TRHDE: variants seen among roughly 807,000 people sequenced by gnomAD.
TRHDE encodes thyrotropin releasing hormone degrading enzyme, also known as thyrotropin-releasing hormone-degrading ectoenzyme.
In TRHDE, 72 loss-of-function variants were observed where a neutral mutation model predicts 125.7. That is an observed-to-expected ratio of 0.57 (90% CI 0.47 to 0.70). The LOEUF is 0.70. Ranked by LOEUF, TRHDE falls within the 30% of genes least tolerant of loss-of-function variation. TRHDE has a pLI of 0.00. For missense variants in TRHDE, 1,110 were observed against 1,327.1 expected, an observed-to-expected ratio of 0.84 and a Z score of 2.54; for synonymous variants, 509 against 509.1, an observed-to-expected ratio of 1.00 and a Z score of 0.00.
At chr12:72,266,702 T>G (rs376091444) in intron 2 of TRHDE, among the ~76,000 whole-genome samples, 29 of 152,062 alleles carry the variant, frequency 1.9e-4, no homozygotes, top group African/African-American at 7.0e-4. Flanking sequence ...ATTATGCAAT[T>G]GGATAGTTTA....
Position 72,665,375 on chromosome 12 carries a change from T to C in TRHDE, c.*2180T>C, listed in dbSNP as rs1875077138. The C allele has an allele frequency of 6.6e-6, 1 of 152,432 alleles. No individual in the cohort carries two copies. The highest frequency in any genetic ancestry group is 2.1e-4 in the South Asian group (1 of 4,832). The allele number at this position is 152,432 out of a possible 1,614,324, so 9.4% of individuals were successfully genotyped here. On this transcript the variant is annotated 3_prime_UTR_variant, in exon 19 of 19. Coordinates refer to ENST00000261180, the MANE Select transcript of TRHDE (RefSeq NM_013381.3). ...CCTTGAACAACTGGTTTATCTACAA[T>C]CTCAAATCCTAAGTGTATAATTATG...
chr12:72,381,848 A>C (rs991340694), intron 3 of TRHDE, among the ~76,000 whole-genome samples: 2 of 152,224 alleles, frequency 1.3e-5, no homozygotes, highest in Non-Finnish European at 2.9e-5. Flanking sequence ...TGAGACTGAC[A>C]TGTCTATTTA....
At chr12:72,490,641 A>G (rs73146938) in intron 5 of TRHDE, among the ~76,000 whole-genome samples, 3,331 of 151,796 alleles carry the variant, frequency 0.022, 54 homozygotes, top group Non-Finnish European at 0.034. Context: ...TGTTCAAAAG[A>G]ATAAAATCTT....
At chr12:72,482,172 G>A (rs1451288181) in intron 5 of TRHDE, among the ~76,000 whole-genome samples, 1 of 151,758 alleles carries the variant, frequency 6.6e-6, no homozygotes, top group African/African-American at 2.4e-5. Flanking sequence ...ATATGGAATT[G>A]GTATCTATCA....
At chr12:72,515,940 T>C (rs1253372297) in intron 6 of TRHDE, among the ~76,000 whole-genome samples, 1 of 132,534 alleles carries the variant, frequency 7.5e-6, no homozygotes, top group Non-Finnish European at 1.5e-5. Flanking sequence ...TTGTCAAAGA[T>C]CAGATAGTTG....
At chr12:72,635,380 T>G (rs1421734398) in intron 15 of TRHDE, among the ~76,000 whole-genome samples, 1 of 152,070 alleles carries the variant, frequency 6.6e-6, no homozygotes, top group Non-Finnish European at 1.5e-5. Flanking sequence ...TTGTTTGAGT[T>G]CATTGTAGAT....
chr12:72,195,814 A>G (rs887169944), intron 2 of TRHDE, among the ~76,000 whole-genome samples: 1 of 152,132 alleles, frequency 6.6e-6, no homozygotes, highest in Non-Finnish European at 1.5e-5. Context: ...GATGTCTAGA[A>G]TGGTGTTTCC....
At chr12:72,598,404 C>T (rs536073777) in intron 12 of TRHDE, among the ~76,000 whole-genome samples, 21 of 152,286 alleles carry the variant, frequency 1.4e-4, no homozygotes, top group African/African-American at 5.1e-4. Context: ...TATTATTGAT[C>T]AGCAAACTGG....
At chr12:72,456,128 T>TACACACACAC (rs58045175) in intron 3 of TRHDE, among the ~76,000 whole-genome samples, 1 of 134,796 alleles carries the variant, frequency 7.4e-6, no homozygotes, top group African/African-American at 2.7e-5. Flanking sequence ...AATATGTAAT[T>TACACACACAC]ACACACACAC....
intron 15 of TRHDE, among the ~76,000 whole-genome samples, chr12:72,649,380 A>G (rs1874413277): frequency 6.6e-6 from 1 of 152,122 alleles, no homozygotes; most frequent in South Asian, 2.1e-4. Context: ...TTTGTTTTAT[A>G]TACCGTACAC....
intron 15 of TRHDE, among the ~76,000 whole-genome samples, chr12:72,636,019 G>C (rs1873731146): frequency 6.6e-6 from 1 of 150,598 alleles, no homozygotes; most frequent in South Asian, 2.1e-4. Context: ...CTTTAAAGTA[G>C]TTTTTTCCAA....
intron 2 of TRHDE, among the ~76,000 whole-genome samples, chr12:72,346,314 G>C (rs1260490048): frequency 6.6e-6 from 1 of 152,030 alleles, no homozygotes; most frequent in African/African-American, 2.4e-5. Context: ...AGAGAGGGTA[G>C]AGACCTTTAC....
chr12:72,138,038 A>T (rs1426543566), intron 2 of TRHDE, among the ~76,000 whole-genome samples: 1 of 152,206 alleles, frequency 6.6e-6, no homozygotes, highest in Non-Finnish European at 1.5e-5. Context: ...CCCCAGGCTA[A>T]TGAAATCAGA....
At chr12:72,644,494 C>G (rs1874198015) in intron 15 of TRHDE, among the ~76,000 whole-genome samples, 1 of 152,098 alleles carries the variant, frequency 6.6e-6, no homozygotes, top group Non-Finnish European at 1.5e-5. Flanking sequence ...AGAAAAATCC[C>G]AATTCTTGAC....
chr12:72,335,662 T>C (rs1869799848), intron 2 of TRHDE, among the ~76,000 whole-genome samples: 1 of 152,214 alleles, frequency 6.6e-6, no homozygotes, highest in Non-Finnish European at 1.5e-5. Flanking sequence ...GAGCCTTGCA[T>C]TTAGGAATTT....
Position 72,272,989 on chromosome 12 carries a change from AGT to A in TRHDE, c.348_349del (p.Ala117HisfsTer151), listed in dbSNP as rs1879305764. ...LSLRFDECGA[S>X]ATPGADGGPS... ...CCTGCGCTTCGACGAGTGCGGGGCG[AGT>A]GCCACGCCAGGCGCCGACGGTGGCC... On this transcript the variant is annotated frameshift_variant, in exon 1 of 19. Coordinates refer to ENST00000261180, the MANE Select transcript of TRHDE (RefSeq NM_013381.3). LOFTEE classifies it high-confidence loss of function. This position sits in a 1 kb window ranked among gnomAD's most constrained non-coding sequence, Gnocchi z 6.7. 6.4e-7 allele frequency: 1 copy of A among 1,552,978 alleles called. No individual in the cohort carries two copies. The highest frequency in any genetic ancestry group is 1.4e-5 in the African/African-American group (1 of 73,840).
chr12:72,479,390 GTT>G (rs1355751181), intron 5 of TRHDE, among the ~76,000 whole-genome samples: 1 of 151,980 alleles, frequency 6.6e-6, no homozygotes, highest in Non-Finnish European at 1.5e-5. Context: ...ATGAAAATCT[GTT>G]TCTTTCATTG....
At chr12:72,105,133 C>T in intron 1 of TRHDE, among the ~76,000 whole-genome samples, 1 of 152,152 alleles carries the variant, frequency 6.6e-6, no homozygotes, top group East Asian at 1.9e-4. Flanking sequence ...TTTGAGGGAA[C>T]ATTTTGCAGA....
At chr12:72,396,193 T>C (rs1872782091) in intron 3 of TRHDE, among the ~76,000 whole-genome samples, 1 of 152,220 alleles carries the variant, frequency 6.6e-6, no homozygotes, top group African/African-American at 2.4e-5. Context: ...CAATATACCC[T>C]GTTTTAAGCA....
Sources: allele counts gnomAD v4.1 joint callset (sites outside exome capture counted in the v4.1 genomes callset), GRCh38; gene constraint gnomAD v4.1.1; non-coding constraint Gnocchi (gnomAD v3.1); transcripts MANE v1.5; gene names NCBI Gene and HGNC (gene_info 2026-07-23, HGNC 2026-07-21).